The following SNRPD3 variants were observed in gnomAD, a reference collection of about 807,000 sequenced individuals.
The protein encoded by SNRPD3 is small nuclear ribonucleoprotein Sm D3.
For missense variants in SNRPD3, 73 were observed against 167.5 expected, an observed-to-expected ratio of 0.44 and a Z score of 3.11; for synonymous variants, 66 against 58.4, an observed-to-expected ratio of 1.13 and a Z score of -0.59.
At chr22:24,560,119 C>CCTTGCTCTGTAACCCAGGCAGCAGT (rs2045119437) in intron 2 of SNRPD3, among the ~76,000 whole-genome samples, 1 of 100,228 alleles carries the variant, frequency 1.0e-5, no homozygotes. Context: ...TGAGATGGAG[C>CCTTGCTCTGTAACCCAGGCAGCAGT]CTTGCTCTGT....
rs2045263004 is a variant in SNRPD3, at chr22:24,573,024, G to A, written c.*1047G>A. On this transcript the variant is annotated 3_prime_UTR_variant, in exon 4 of 4. Coordinates refer to ENST00000215829, the MANE Select transcript of SNRPD3 (RefSeq NM_004175.5). Reference sequence around the variant, plus strand: ...TCAAAACCAGCCCGCGAGACATAGTGAGACCCTGTCTCTACAAAAAATTCT... The same window carrying A: ...TCAAAACCAGCCCGCGAGACATAGTAAGACCCTGTCTCTACAAAAAATTCT... Among the ~76,000 whole-genome samples the A allele has an allele frequency of 6.6e-6, 1 of 152,050 alleles. No homozygotes were observed. The highest frequency in any genetic ancestry group is 1.5e-5 in the Non-Finnish European group (1 of 68,012).
At chr22:24,561,270 T>C (rs2045141011) in intron 2 of SNRPD3, among the ~76,000 whole-genome samples, 1 of 151,664 alleles carries the variant, frequency 6.6e-6, no homozygotes, top group African/African-American at 2.4e-5. Context: ...GACGGAGTCT[T>C]GATATGTTTT....
intron 2 of SNRPD3, among the ~76,000 whole-genome samples, chr22:24,560,018 T>C (rs1601564763): frequency 6.6e-6 from 1 of 151,586 alleles, no homozygotes; most frequent in Non-Finnish European, 1.5e-5. Context: ...ATTCTTCTTA[T>C]AAGGATACCA....
chr22:24,558,834 G>A (rs985028336), intron 2 of SNRPD3, among the ~76,000 whole-genome samples: 4 of 152,214 alleles, frequency 2.6e-5, no homozygotes, highest in Admixed American at 2.0e-4. Flanking sequence ...CCCCCGGTGT[G>A]TTCAGGCTGG....
chr22:24,560,904 A>G (rs1203607603), intron 2 of SNRPD3, among the ~76,000 whole-genome samples: 1 of 145,628 alleles, frequency 6.9e-6, no homozygotes, highest in Non-Finnish European at 1.5e-5. Flanking sequence ...TAATGTTAAT[A>G]TTTTTTGTAT....
chr22:24,571,716 C>A (rs764720832), intron 3 of SNRPD3, among the ~76,000 whole-genome samples, 200 bp from the exon 4 acceptor site: 49 of 151,536 alleles, frequency 3.2e-4, no homozygotes, highest in African/African-American at 1.1e-3. Flanking sequence ...TGCACTCCAG[C>A]CTGGGTGACA....
rs1409331033 is a variant in SNRPD3, at chr22:24,573,204, T to C, written c.*1227T>C. Among the ~76,000 whole-genome samples, 1 of 151,766 alleles carries C rather than the reference T, an allele frequency of 6.6e-6. No individual in the cohort carries two copies. The highest frequency in any genetic ancestry group is 2.4e-5 in the African/African-American group (1 of 41,298). On this transcript the variant is annotated 3_prime_UTR_variant, in exon 4 of 4. Coordinates refer to ENST00000215829, the MANE Select transcript of SNRPD3 (RefSeq NM_004175.5). The stretch of plus-strand genomic sequence containing the variant: ...GGGCAAAAGAGCAAGACTTTGTCTT[T>C]AAAGAAAAATAAGTAGTAGTAAAGA...
intron 2 of SNRPD3, among the ~76,000 whole-genome samples, chr22:24,564,884 A>T (rs5760478): frequency 0.73 from 105,259 of 143,718 alleles, 39,719 homozygotes; most frequent in East Asian, 0.85. Context: ...TGCCTTGTTC[A>T]TTTTTTTTTT....
Position 24,572,479 on chromosome 22 carries a change from G to C in SNRPD3, c.*502G>C, listed in dbSNP as rs1224512675. The C allele has an allele frequency of 3.9e-6, 1 of 259,328 alleles. No homozygotes were observed. The highest frequency in any genetic ancestry group is 7.4e-6 in the Non-Finnish European group (1 of 134,468). The allele number at this position is 259,328 out of a possible 1,614,324, so 16.1% of individuals were successfully genotyped here. Reference sequence around the variant, plus strand: ...CCTTGATAAAGTCATAGGTAATTCAGGGGCTGGGTGCGGCGGCTCACGCAT... The same window carrying C: ...CCTTGATAAAGTCATAGGTAATTCACGGGCTGGGTGCGGCGGCTCACGCAT... On this transcript the variant is annotated 3_prime_UTR_variant, in exon 4 of 4. Transcript: ENST00000215829.
intron 1 of SNRPD3, among the ~76,000 whole-genome samples, chr22:24,557,200 A>G (rs2045082140): frequency 6.6e-6 from 1 of 152,188 alleles, no homozygotes; most frequent in African/African-American, 2.4e-5. Context: ...TTAAATAGCT[A>G]CGTGTGTACA....
rs569601468 is a variant in SNRPD3 at position 24,562,377 on chromosome 22, T to TA, written c.126+4585dup. ...TAACACGGTGAAACCCTGTCTCTACTAAAAAAAATACAAAAAATTAGCCAG... is the reference window on the plus strand; with the variant it reads ...TAACACGGTGAAACCCTGTCTCTACTAAAAAAAAATACAAAAAATTAGCCAG... On this transcript the variant is annotated intron_variant, in intron 2 of 3. Coordinates refer to ENST00000215829, the MANE Select transcript of SNRPD3 (RefSeq NM_004175.5). 5.8e-4 allele frequency among the ~76,000 whole-genome samples: 88 copies of TA among 151,836 alleles called. 3 individuals are homozygous for TA. In the South Asian group the frequency reaches 0.014, roughly 25 times the overall value.
intron 2 of SNRPD3, among the ~76,000 whole-genome samples, chr22:24,565,469 G>A (rs2045188071): frequency 6.6e-6 from 1 of 152,156 alleles, no homozygotes; most frequent in Non-Finnish European, 1.5e-5. Flanking sequence ...TGGCTTTGTT[G>A]TCTTGTATTT....
chr22:24,573,049 T>A lies in SNRPD3; in HGVS notation c.*1072T>A, dbSNP rs2045263221. Among the ~76,000 whole-genome samples, 1 of 151,722 alleles carries A rather than the reference T, an allele frequency of 6.6e-6. No homozygotes were observed. Among genetic ancestry groups the A allele is most frequent in the Non-Finnish European group, 1.5e-5 (1 of 67,926 alleles). On this transcript the variant is annotated 3_prime_UTR_variant, in exon 4 of 4. Coordinates refer to ENST00000215829, the MANE Select transcript of SNRPD3 (RefSeq NM_004175.5). ...GAGACCCTGTCTCTACAAAAAATTC[T>A]AAAAATTAACTTGGCATGGTGGTGC... is the stretch of plus-strand genomic sequence containing the variant.
intron 1 of SNRPD3, 54 bp downstream of exon 1, chr22:24,556,125 C>T (rs2045058335): frequency 3.8e-6 from 2 of 531,860 alleles, no homozygotes; most frequent in Non-Finnish European, 6.7e-6. Flanking sequence ...GGGCCAGGGG[C>T]TGGAGAAAGA....
rs1192087015 is a variant in SNRPD3, at chr22:24,574,501, C to T, written c.*2524C>T. ...TGGCTGATTTGTTTGTATTTACCTC[C>T]ATGTCTCAATATGAACATGTTTTCA... On this transcript the variant is annotated 3_prime_UTR_variant, in exon 4 of 4. Transcript: ENST00000215829. Among the ~76,000 whole-genome samples, 1 of 152,160 alleles carries T rather than the reference C, an allele frequency of 6.6e-6. No homozygotes were observed. Among genetic ancestry groups the T allele is most frequent in the Non-Finnish European group, 1.5e-5 (1 of 68,030 alleles).
chr22:24,574,149 AT>A lies in SNRPD3; in HGVS notation c.*2174del, dbSNP rs1259277732. 6.6e-6 allele frequency among the ~76,000 whole-genome samples: 1 copy of A among 152,200 alleles called. No individual in the cohort carries two copies. The highest frequency in any genetic ancestry group is 2.4e-5 in the African/African-American group (1 of 41,448). ...CAGTACTTACTTTGAATAATAACAC[AT>A]TACACTTAATAGTAGTGAACTGCAT... is the stretch of plus-strand genomic sequence containing the variant. On this transcript the variant is annotated 3_prime_UTR_variant, in exon 4 of 4. Coordinates refer to ENST00000215829, the MANE Select transcript of SNRPD3 (RefSeq NM_004175.5).
chr22:24,556,815 G>C (rs2147115135), intron 1 of SNRPD3, among the ~76,000 whole-genome samples: 1 of 152,332 alleles, frequency 6.6e-6, no homozygotes, highest in Middle Eastern at 3.4e-3. Flanking sequence ...ATGTTCTCCT[G>C]TCTTAGGTAC....
At chr22:24,571,871 C>A (rs1420842128) in intron 3 of SNRPD3, 45 bp from the exon 4 acceptor site, 1 of 1,610,142 alleles carries the variant, frequency 6.2e-7, no homozygotes, top group Non-Finnish European at 8.5e-7. Flanking sequence ...TATGAGCATT[C>A]ACCGACCACA....
rs79800115 is a variant in SNRPD3 at position 24,562,261 on chromosome 22, G to A, written c.126+4461G>A. Among the ~76,000 whole-genome samples the A allele has an allele frequency of 8.2e-3, 1,246 of 152,356 alleles. 16 individuals are homozygous for A. The highest frequency in any genetic ancestry group is 0.028 in the African/African-American group (1,167 of 41,578). ...AGTTTAAAAATTATCTGGATGTGGG[G>A]CTGGGCACTGTGGCTCACGCCTGTA... On this transcript the variant is annotated intron_variant, in intron 2 of 3. Transcript: ENST00000215829.
Sources: gnomAD v4.1 joint callset for allele counts (sites outside exome capture counted in the v4.1 genomes callset) on GRCh38, gnomAD v4.1.1 for gene constraint, MANE v1.5 for transcripts, NCBI Gene and HGNC (gene_info 2026-07-23, HGNC 2026-07-21) for gene names.